ELP4: variants seen among roughly 807,000 people sequenced by gnomAD.
ELP4 encodes elongator complex protein 4.
A neutral mutation model predicts 48.9 loss-of-function variants in ELP4; 51 were observed. The ratio of observed to expected loss-of-function variants is 1.04; its 90% CI spans 0.83 to 1.32. The LOEUF is 1.32. Ranked by LOEUF, ELP4 falls within the 40% of genes most tolerant of loss-of-function variation. ELP4 has a pLI of 0.00. For synonymous variants in ELP4, 210 were observed against 189.2 expected, an observed-to-expected ratio of 1.11 and a Z score of -0.90; for missense variants, 519 against 514.6, an observed-to-expected ratio of 1.01 and a Z score of -0.08.
chr11:31,533,522 C>T (rs1592090006), intron 2 of ELP4, among the ~76,000 whole-genome samples: 1 of 151,368 alleles, frequency 6.6e-6, no homozygotes, highest in Non-Finnish European at 1.5e-5. Flanking sequence ...GGACTACATG[C>T]GCCGGCCATC....
intron 2 of ELP4, among the ~76,000 whole-genome samples, chr11:31,532,181 T>C (rs1956406029): frequency 6.6e-6 from 1 of 152,186 alleles, no homozygotes; most frequent in Non-Finnish European, 1.5e-5. Context: ...AATTAGCATG[T>C]TACCACCAGA....
chr11:31,733,266 A>C (rs1947234689), intron 9 of ELP4, among the ~76,000 whole-genome samples: 1 of 152,230 alleles, frequency 6.6e-6, no homozygotes, highest in African/African-American at 2.4e-5. Context: ...ACTTGAGGTC[A>C]GGAGTTCAAG....
intron 9 of ELP4, among the ~76,000 whole-genome samples, chr11:31,737,319 G>A (rs1592266796): frequency 6.6e-6 from 1 of 152,068 alleles, no homozygotes; most frequent in Admixed American, 6.6e-5. Context: ...GGCCTGTTGT[G>A]GGGTAGGGGG....
At chr11:31,575,820 T>C (rs1592131194) in intron 3 of ELP4, among the ~76,000 whole-genome samples, 2 of 152,122 alleles carry the variant, frequency 1.3e-5, no homozygotes, top group African/African-American at 4.8e-5. Flanking sequence ...CAACCGGTAC[T>C]AGCCACTGCA....
chr11:31,731,742 G>T (rs1257792665), intron 9 of ELP4, among the ~76,000 whole-genome samples: 1 of 152,036 alleles, frequency 6.6e-6, no homozygotes, highest in Admixed American at 6.6e-5. Context: ...ATCCAATGAA[G>T]TCAACACTAA....
intron 9 of ELP4, among the ~76,000 whole-genome samples, chr11:31,701,965 A>G (rs1253339916): frequency 2.6e-5 from 4 of 152,134 alleles, no homozygotes; most frequent in East Asian, 1.9e-4. Context: ...TAGCCACAGT[A>G]CGAAGCGAAT....
intron 9 of ELP4, among the ~76,000 whole-genome samples, chr11:31,665,248 C>T (rs996494396): frequency 2.0e-5 from 3 of 152,070 alleles, no homozygotes; most frequent in African/African-American, 7.2e-5. Context: ...ACAGACCATC[C>T]CTGGGAGGAC....
intron 9 of ELP4, among the ~76,000 whole-genome samples, chr11:31,742,518 C>CA (rs760376546): frequency 6.6e-6 from 1 of 152,154 alleles, no homozygotes; most frequent in South Asian, 2.1e-4. Flanking sequence ...GGGTTACCCA[C>CA]AAAGGGAAGC....
rs1396027227 is a variant in ELP4 at position 31,509,774 on chromosome 11, G to A, written c.-11G>A. 4 of 1,613,658 alleles carry A rather than the reference G, an allele frequency of 2.5e-6. No individual in the cohort carries two copies. The highest frequency in any genetic ancestry group is 2.2e-5 in the East Asian group (1 of 44,864). On this transcript the variant is annotated 5_prime_UTR_variant, in exon 1 of 10. Coordinates refer to ENST00000640961, the MANE Select transcript of ELP4 (RefSeq NM_019040.5). ...CAGAGTTCCTATTGGGTTAACACTG[G>A]AGGCTCTAAGATGGCGGCAGTGGCA...
chr11:31,682,917 C>T (rs944926577), intron 9 of ELP4, among the ~76,000 whole-genome samples: 1 of 152,070 alleles, frequency 6.6e-6, no homozygotes, highest in East Asian at 1.9e-4. Flanking sequence ...TGACACCTTG[C>T]CCATTTGACG....
Position 31,579,584 on chromosome 11 carries a change from A to G in ELP4, c.382-15186A>G, listed in dbSNP as rs1378324975. Among the ~76,000 whole-genome samples, 6 of 152,320 alleles carry G rather than the reference A, an allele frequency of 3.9e-5. 1 individual carries two copies. In the South Asian group the frequency reaches 6.2e-4, roughly 16 times the overall value. ...GATTAAGAAAATGAGGCACATATAC[A>G]CTATGGAATACTATGCAGCCCTAAA... On this transcript the variant is annotated intron_variant, in intron 3 of 9. Coordinates refer to ENST00000640961, the MANE Select transcript of ELP4 (RefSeq NM_019040.5).
In ELP4 at chr11:31,740,919, C is replaced by A. The variant is rs140767024; in HGVS notation, c.1144-42474C>A. Among the ~76,000 whole-genome samples, 17 of 152,316 alleles carry A rather than the reference C, an allele frequency of 1.1e-4. No homozygotes were observed. In the East Asian group the frequency reaches 2.9e-3, roughly 26 times the overall value. The stretch of plus-strand genomic sequence containing the variant: ...AGGACAGTGGGTGCAGCGCACCGTG[C>A]GTGAGCCGAAGCAGGGCGAGGCATC... On this transcript the variant is annotated intron_variant, in intron 9 of 9. Coordinates refer to ENST00000640961, the MANE Select transcript of ELP4 (RefSeq NM_019040.5).
At chr11:31,678,925 A>G (rs1365942659) in intron 9 of ELP4, among the ~76,000 whole-genome samples, 1 of 152,166 alleles carries the variant, frequency 6.6e-6, no homozygotes, top group Non-Finnish European at 1.5e-5. Context: ...ATTTGGTGTT[A>G]TCAGTGTTTT....
At chr11:31,702,621 T>C (rs1946549272) in intron 9 of ELP4, among the ~76,000 whole-genome samples, 2 of 152,146 alleles carry the variant, frequency 1.3e-5, no homozygotes, top group Admixed American at 1.3e-4. Context: ...CATCTGTAGG[T>C]GTTTCTCCCT....
chr11:31,547,968 G>A (rs1033595076), intron 3 of ELP4, among the ~76,000 whole-genome samples: 3 of 152,052 alleles, frequency 2.0e-5, no homozygotes, highest in African/African-American at 7.2e-5. Flanking sequence ...AATAAATTAG[G>A]TATTGATGGG....
chr11:31,623,860 A>G (rs1345796108), intron 5 of ELP4, among the ~76,000 whole-genome samples: 2 of 107,274 alleles, frequency 1.9e-5, no homozygotes, highest in African/African-American at 2.6e-5. Context: ...AAACAACACA[A>G]TAGCATGAAA....
intron 3 of ELP4, among the ~76,000 whole-genome samples, chr11:31,579,689 A>G (rs1450137885): frequency 2.0e-5 from 3 of 151,122 alleles, no homozygotes; most frequent in Admixed American, 2.0e-4. Flanking sequence ...GCAAGGACAA[A>G]AAACCAAACA....
chr11:31,698,165 C>A (rs1946449697), intron 9 of ELP4, among the ~76,000 whole-genome samples: 1 of 152,040 alleles, frequency 6.6e-6, no homozygotes, highest in Non-Finnish European at 1.5e-5. Flanking sequence ...ATAAAATATG[C>A]ATAGTATACT....
At chr11:31,667,821 T>G (rs992865581) in intron 9 of ELP4, among the ~76,000 whole-genome samples, 13 of 152,184 alleles carry the variant, frequency 8.5e-5, no homozygotes, top group African/African-American at 3.1e-4. Flanking sequence ...ACTTATACAC[T>G]GACTCGTGCT....
Sources: gnomAD v4.1 joint callset for allele counts (sites outside exome capture counted in the v4.1 genomes callset) on GRCh38, gnomAD v4.1.1 for gene constraint, MANE v1.5 for transcripts, NCBI Gene and HGNC (gene_info 2026-07-23, HGNC 2026-07-21) for gene names.